COL12A1: variants seen among roughly 807,000 people sequenced by gnomAD.
COL12A1 encodes the protein collagen type XII alpha 1 chain.
In COL12A1, 114 loss-of-function variants were observed where a neutral mutation model predicts 349.7. The observed-to-expected ratio is 0.33, with a 90% CI of 0.28 to 0.38. The LOEUF is 0.38. COL12A1 is among the 10% of genes least tolerant of loss of function. The pLI is 1.00. For missense variants in COL12A1, 3,284 were observed against 3,756.9 expected, an observed-to-expected ratio of 0.87 and a Z score of 3.29; for synonymous variants, 1,369 against 1,329.0, an observed-to-expected ratio of 1.03 and a Z score of -0.66.
In COL12A1 at chr6:75,142,179, C is replaced by G. The variant is rs749126047; in HGVS notation, c.4828-18G>C. On this transcript the variant is annotated intron_variant, in intron 26 of 65. Transcript: ENST00000322507. The stretch of plus-strand genomic sequence containing the variant: ...ACCTCTACCTATAACAGTAACAGAG[C>G]AGTGGAACTACTTTTACAAAGGGTT... The G allele has an allele frequency of 5.0e-6, 8 of 1,613,644 alleles. No homozygotes were observed. Among genetic ancestry groups the G allele is most frequent in the Non-Finnish European group, 6.8e-6 (8 of 1,179,770 alleles).
At chr6:75,127,589 G>A (rs1426334893) in intron 38 of COL12A1, among the ~76,000 whole-genome samples, 1 of 152,100 alleles carries the variant, frequency 6.6e-6, no homozygotes. Context: ...CTAAACTAGT[G>A]GCTCTCAGCC....
In COL12A1 at chr6:75,090,148, G is replaced by A. The variant is rs771010070; in HGVS notation, c.8903C>T (p.Pro2968Leu). The A allele has an allele frequency of 6.8e-6, 11 of 1,613,770 alleles. No homozygotes were observed. The highest frequency in any genetic ancestry group is 1.3e-5 in the African/African-American group (1 of 74,870). ...EPGPGGRPGFPGTPGMQGPPG... is the reference protein window; with the variant it reads ...EPGPGGRPGFLGTPGMQGPPG... ...GGGTCCCTGCATCCCTGGTGTGCCC[G>A]GGAAGCCTGGCCGCCCCCCAGGCCC... is the stretch of plus-strand genomic sequence containing the variant. The change falls in exon 63 of 66, where the codon CCG (proline) becomes CTG (leucine). Residue 2968 changes from proline (P) to leucine (L), a missense_variant. Transcript: ENST00000322507. This position sits in a 1 kb window ranked among gnomAD's most constrained non-coding sequence, Gnocchi z 4.1.
Position 75,189,581 on chromosome 6 carries a change from A to G in COL12A1, c.629T>C (p.Ile210Thr). 1.2e-6 allele frequency: 2 copies of G among 1,612,632 alleles called. No homozygotes were observed. The highest frequency in any genetic ancestry group is 1.1e-5 in the South Asian group (1 of 90,978). ...RDELLAAIKK[I>T]PYKGGNTMTG... ...CATTGTGTTGCCACCTTTATATGGA[A>G]TTTTTTTTATTGCAGCAAGAAGTTC... The change falls in exon 6 of 66, where the codon ATT (isoleucine) becomes ACT (threonine). Residue 210 changes from isoleucine (I) to threonine (T), a missense_variant. This residue lies in a region of COL12A1 where 2,601 missense variants were observed against 2,824.8 expected (regional missense o/e 0.92). Coordinates refer to ENST00000322507, the MANE Select transcript of COL12A1 (RefSeq NM_004370.6).
intron 13 of COL12A1, among the ~76,000 whole-genome samples, chr6:75,166,924 G>T (rs1433142833): frequency 6.6e-6 from 1 of 152,028 alleles, no homozygotes; most frequent in Non-Finnish European, 1.5e-5. Flanking sequence ...TGAAACAGAA[G>T]CTGGGCAGCC....
At position 75,147,780 on chromosome 6, in the gene COL12A1, T is replaced by C. The variant is rs201651899; in HGVS notation, c.4312A>G (p.Ser1438Gly). 1.8e-5 allele frequency: 29 copies of C among 1,613,072 alleles called. No homozygotes were observed. The highest frequency in any genetic ancestry group is 4.0e-5 in the African/African-American group (3 of 74,858). ...QEFYVSRMET[S>G]TVLKDLKPET... Reference sequence around the variant, plus strand: ...GGTTTCAGATCTTTCAGCACTGTGCTAGTTTCCATTCGACTCACATAAAAC... The same window carrying C: ...GGTTTCAGATCTTTCAGCACTGTGCCAGTTTCCATTCGACTCACATAAAAC... Residue 1438 changes from serine (S) to glycine (G), a missense_variant, in exon 23 of 66, where the codon AGC (serine) becomes GGC (glycine). Physicochemically the swap from Ser to Gly is moderately conservative, Grantham distance 56. This residue lies in a region of COL12A1 where 2,601 missense variants were observed against 2,824.8 expected (regional missense o/e 0.92). Transcript: ENST00000322507.
chr6:75,087,026 T>C lies in COL12A1; in HGVS notation c.9182-469A>G, dbSNP rs561599141. Among the ~76,000 whole-genome samples the C allele has an allele frequency of 2.6e-5, 4 of 152,256 alleles. No homozygotes were observed. In the East Asian group the frequency reaches 7.7e-4, roughly 29 times the overall value. ...TCCTCACATCCCACAAAATCAAGTA[T>C]AGGAGACTTCTGCCCTCTACAATTG... On this transcript the variant is annotated intron_variant, in intron 65 of 65. Transcript: ENST00000322507.
At chr6:75,098,513 G>A (rs1464740598) in intron 58 of COL12A1, among the ~76,000 whole-genome samples, 1 of 152,172 alleles carries the variant, frequency 6.6e-6, no homozygotes, top group Non-Finnish European at 1.5e-5. Context: ...AAAAAAAGTA[G>A]CCAAGCATGG....
chr6:75,152,351 G>A lies in COL12A1; in HGVS notation c.3697C>T (p.Pro1233Ser). ...AACCTACCAATTTGTACTCTTTTGG[G>A]GCCAATGTCAAAGACTTCCACAATA... Reference protein sequence around the residue: ...SRIVEVFDIGPKRVQIALAQY... With the variant: ...SRIVEVFDIGSKRVQIALAQY... Residue 1233 changes from proline to serine, a missense_variant, in exon 18 of 66, where the codon CCC (proline) becomes TCC (serine). Pro to Ser is a moderately conservative substitution (Grantham distance 74). Transcript: ENST00000322507. 6.2e-7 allele frequency: 1 copy of A among 1,613,518 alleles called. No homozygotes were observed. Among genetic ancestry groups the A allele is most frequent in the Non-Finnish European group, 8.5e-7 (1 of 1,179,672 alleles).
chr6:75,189,608 T>C lies in COL12A1; in HGVS notation c.602A>G (p.Asp201Gly). The change falls in exon 6 of 66, where the codon GAT becomes GGT. Residue 201 changes from aspartate (D) to glycine (G), a missense_variant. Physicochemically the swap from Asp to Gly is moderately conservative, Grantham distance 94. Transcript: ENST00000322507. ...TTTTTTTATTGCAGCAAGAAGTTCA[T>C]CCCTTTGGTAGTACTGATTTAAGTT... is the stretch of plus-strand genomic sequence containing the variant. ...EFNLNQYYQR[D>G]ELLAAIKKIP... 1 of 1,613,382 alleles carries C rather than the reference T, an allele frequency of 6.2e-7. No individual in the cohort carries two copies. The highest frequency in any genetic ancestry group is 8.5e-7 in the Non-Finnish European group (1 of 1,179,516).
chr6:75,149,777 A>T (rs895757097), intron 21 of COL12A1, among the ~76,000 whole-genome samples: 1 of 152,138 alleles, frequency 6.6e-6, no homozygotes, highest in African/African-American at 2.4e-5. Flanking sequence ...CTACAAAATT[A>T]TCAAGCAATT....
At position 75,119,141 on chromosome 6, in the gene COL12A1, C is replaced by T; in HGVS notation, c.7256G>A (p.Ser2419Asn). The change falls in exon 46 of 66, where the codon AGC becomes AAC. Residue 2419 changes from serine to asparagine, a missense_variant. Transcript: ENST00000322507. The stretch of plus-strand genomic sequence containing the variant: ...CTTAGGGACATTCTTCCTCATGCCG[C>T]TCTCCCAAGTCAAGACTTTCTCCTT... ...FIKEKVLTWE[S>N]GMRKNVPKVL... 1 of 1,613,990 alleles carries T rather than the reference C, an allele frequency of 6.2e-7. No individual in the cohort carries two copies. The highest frequency in any genetic ancestry group is 8.5e-7 in the Non-Finnish European group (1 of 1,179,922).
At chr6:75,097,679 A>T (rs914622408) in intron 58 of COL12A1, among the ~76,000 whole-genome samples, 1 of 152,204 alleles carries the variant, frequency 6.6e-6, no homozygotes, top group Middle Eastern at 3.2e-3. Context: ...TACCCATTCT[A>T]TGGAAAAGTC....
intron 22 of COL12A1, 82 bp downstream of exon 22, chr6:75,148,276 C>T (rs369892652): frequency 1.4e-6 from 2 of 1,406,374 alleles, no homozygotes; most frequent in East Asian, 2.3e-5. Context: ...TTGCCCCTCA[C>T]CTAACATTAT....
intron 1 of COL12A1, among the ~76,000 whole-genome samples, chr6:75,203,328 GC>G (rs1770624350): frequency 6.6e-6 from 1 of 152,250 alleles, no homozygotes; most frequent in South Asian, 2.1e-4. Flanking sequence ...TTTCAAATAT[GC>G]AGCTCTTTAA....
chr6:75,133,276 T>C lies in COL12A1; in HGVS notation c.5794+17A>G. 8.4e-6 allele frequency: 13 copies of C among 1,555,460 alleles called. No individual in the cohort carries two copies. Among genetic ancestry groups the C allele is most frequent in the Non-Finnish European group, 1.0e-5 (12 of 1,155,162 alleles). On this transcript the variant is annotated intron_variant, in intron 34 of 65. Coordinates refer to ENST00000322507, the MANE Select transcript of COL12A1 (RefSeq NM_004370.6). ...ACACTTATGATGAAAAATTAATTTT[T>C]TGGCTTTATTACTTACATGTCCTTC...
At chr6:75,124,900 T>A (rs562125431) in intron 40 of COL12A1, among the ~76,000 whole-genome samples, 6 of 152,178 alleles carry the variant, frequency 3.9e-5, no homozygotes, top group African/African-American at 1.4e-4. Context: ...ATTCAAAGTA[T>A]AATATTTTAT....
intron 2 of COL12A1, 130 bp from the exon 3 acceptor site, chr6:75,195,077 A>G (rs1412181092): frequency 3.3e-5 from 18 of 548,876 alleles, no homozygotes; most frequent in Middle Eastern, 9.4e-4. Flanking sequence ...AACAAATATA[A>G]AAGATATGTT....
At chr6:75,113,981 A>G (rs185375374) in intron 49 of COL12A1, among the ~76,000 whole-genome samples, 147 of 151,972 alleles carry the variant, frequency 9.7e-4, no homozygotes, top group African/African-American at 3.4e-3. Context: ...AGTTATGTAA[A>G]TTATAATCGA....
intron 55 of COL12A1, 26 bp from the exon 56 acceptor site, chr6:75,102,718 C>T (rs1204264472): frequency 1.4e-6 from 2 of 1,460,748 alleles, no homozygotes; most frequent in Non-Finnish European, 9.2e-7. Flanking sequence ...GAGAGACAAC[C>T]ACAAAGTAAT....
Sources: allele counts gnomAD v4.1 joint callset (sites outside exome capture counted in the v4.1 genomes callset), GRCh38; gene constraint gnomAD v4.1.1; regional missense constraint gnomAD v4.1.1; non-coding constraint Gnocchi (gnomAD v3.1); transcripts MANE v1.5; gene names NCBI Gene and HGNC (gene_info 2026-07-23, HGNC 2026-07-21).